CTIF: variants seen among roughly 807,000 people sequenced by gnomAD.
The protein encoded by CTIF is cap binding complex dependent translation initiation factor.
A neutral mutation model predicts 66.0 loss-of-function variants in CTIF; 21 were observed. The observed-to-expected ratio is 0.32, with a 90% CI of 0.23 to 0.46. The LOEUF (loss-of-function observed/expected upper bound fraction) is 0.46. Ranked by LOEUF, CTIF falls within the 20% of genes least tolerant of loss-of-function variation. The pLI is 1.00. For synonymous variants in CTIF, 345 were observed against 326.4 expected, an observed-to-expected ratio of 1.06 and a Z score of -0.62; for missense variants, 739 against 812.7, an observed-to-expected ratio of 0.91 and a Z score of 1.10.
At chr18:48,574,973 T>C (rs1019027535) in intron 1 of CTIF, among the ~76,000 whole-genome samples, 4 of 152,126 alleles carry the variant, frequency 2.6e-5, no homozygotes, top group Non-Finnish European at 5.9e-5. Context: ...CCAAATGAGA[T>C]AAAGAGTAAT....
chr18:48,836,853 G>C (rs990439387), intron 10 of CTIF, among the ~76,000 whole-genome samples: 4 of 152,202 alleles, frequency 2.6e-5, no homozygotes, highest in Non-Finnish European at 5.9e-5. Flanking sequence ...TGTGTCCCCT[G>C]CTTAGTCCAC....
At chr18:48,581,092 G>A (rs1328698421) in intron 1 of CTIF, among the ~76,000 whole-genome samples, 1 of 152,202 alleles carries the variant, frequency 6.6e-6, no homozygotes, top group South Asian at 2.1e-4. Context: ...CGTCATTCCA[G>A]CATCAGCTCT....
chr18:48,647,383 T>G lies in CTIF; in HGVS notation c.252+10698T>G, dbSNP rs546682649. Among the ~76,000 whole-genome samples, 25 of 152,314 alleles carry G rather than the reference T, an allele frequency of 1.6e-4. No homozygotes were observed. The South Asian group carries it at 4.6e-3, about 28-fold the overall frequency. The stretch of plus-strand genomic sequence containing the variant: ...GTTCTGTGTCTCCACTGTATCAATG[T>G]TGATACCCGGAGATGCTGAGTTGGA... On this transcript the variant is annotated intron_variant, in intron 3 of 11. Transcript: ENST00000256413.
At chr18:48,712,291 T>C (rs1022515242) in intron 7 of CTIF, among the ~76,000 whole-genome samples, 1 of 151,988 alleles carries the variant, frequency 6.6e-6, no homozygotes, top group African/African-American at 2.4e-5. Context: ...CGAGTGACAA[T>C]GGGGCCAGGA....
At chr18:48,598,462 C>A (rs1031405535) in intron 1 of CTIF, among the ~76,000 whole-genome samples, 3 of 152,178 alleles carry the variant, frequency 2.0e-5, no homozygotes, top group Non-Finnish European at 4.4e-5. Context: ...CCTGTCCTGC[C>A]TCCAGCAATA....
intron 1 of CTIF, among the ~76,000 whole-genome samples, chr18:48,551,116 G>A (rs1243592785): frequency 1.3e-5 from 2 of 149,244 alleles, no homozygotes; most frequent in East Asian, 1.9e-4. Context: ...CATGAGAGTG[G>A]GCCCTAATCT....
At chr18:48,742,336 G>A (rs902943734) in intron 7 of CTIF, among the ~76,000 whole-genome samples, 5 of 152,216 alleles carry the variant, frequency 3.3e-5, no homozygotes, top group Non-Finnish European at 7.3e-5. Context: ...CAGTGTGCAG[G>A]GTGCCCCGGG....
intron 2 of CTIF, among the ~76,000 whole-genome samples, chr18:48,627,505 G>A (rs1257795024): frequency 6.6e-6 from 1 of 152,036 alleles, no homozygotes; most frequent in African/African-American, 2.4e-5. Context: ...GATCACTTGA[G>A]CCCAGGAGTT....
rs568429449 is a variant in CTIF at position 48,556,724 on chromosome 18, C to T, written c.-29+17412C>T. Among the ~76,000 whole-genome samples the T allele has an allele frequency of 1.9e-3, 287 of 152,276 alleles. 1 individual carries two copies. The highest frequency in any genetic ancestry group is 3.3e-3 in the Non-Finnish European group (226 of 68,026). On this transcript the variant is annotated intron_variant, in intron 1 of 11. Transcript: ENST00000256413. ...AGATTACAGGCACGCACCACCACAC[C>T]TGGCTAATTTTTGTATTTTTGGTAG...
intron 2 of CTIF, among the ~76,000 whole-genome samples, chr18:48,635,017 A>G (rs974847406): frequency 6.6e-6 from 1 of 152,222 alleles, no homozygotes; most frequent in African/African-American, 2.4e-5. Flanking sequence ...TCTTTTAAAA[A>G]TTTGGCTACT....
intron 7 of CTIF, among the ~76,000 whole-genome samples, chr18:48,754,096 C>T (rs1908104275): frequency 6.6e-6 from 1 of 152,228 alleles, no homozygotes; most frequent in Non-Finnish European, 1.5e-5. Context: ...TTCCAGTGCC[C>T]TTAGCAGCCC....
At chr18:48,593,312 T>A (rs2089925883) in intron 1 of CTIF, among the ~76,000 whole-genome samples, 1 of 152,230 alleles carries the variant, frequency 6.6e-6, no homozygotes, top group South Asian at 2.1e-4. Flanking sequence ...CTTGGTTGAA[T>A]TAAAGCAAAA....
intron 10 of CTIF, among the ~76,000 whole-genome samples, chr18:48,825,710 T>G (rs1437758865): frequency 2.0e-5 from 3 of 152,156 alleles, no homozygotes; most frequent in Non-Finnish European, 4.4e-5. Flanking sequence ...GTGACCAAGA[T>G]AGTCTGTTCC....
chr18:48,793,483 C>T (rs1229277153), intron 9 of CTIF, among the ~76,000 whole-genome samples: 2 of 152,162 alleles, frequency 1.3e-5, no homozygotes, highest in African/African-American at 4.8e-5. Context: ...TAATGTGGTG[C>T]CAGCAGGATT....
chr18:48,789,280 G>A (rs1285450087), intron 9 of CTIF, among the ~76,000 whole-genome samples: 1 of 151,940 alleles, frequency 6.6e-6, no homozygotes, highest in African/African-American at 2.4e-5. Context: ...CAGACTAGTT[G>A]TGTAACCTTG....
Position 48,761,346 on chromosome 18 carries a change from C to T in CTIF, c.1072-44C>T, listed in dbSNP as rs1281046236. The T allele has an allele frequency of 6.3e-7, 1 of 1,587,260 alleles. No individual in the cohort carries two copies. Among genetic ancestry groups the T allele is most frequent in the East Asian group, 2.2e-5 (1 of 44,588 alleles). On this transcript the variant is annotated intron_variant, in intron 8 of 11. Coordinates refer to ENST00000256413, the MANE Select transcript of CTIF (RefSeq NM_014772.3). This position sits in a 1 kb window ranked among gnomAD's most constrained non-coding sequence, Gnocchi z 4.2. ...CACCAGGCCACCCCTGCACAGAGACCTCGGCTTCACTCAGGCACATTCATT... is the reference window on the plus strand; with the variant it reads ...CACCAGGCCACCCCTGCACAGAGACTTCGGCTTCACTCAGGCACATTCATT...
intron 1 of CTIF, among the ~76,000 whole-genome samples, chr18:48,615,813 C>T (rs895980057): frequency 6.6e-6 from 1 of 152,156 alleles, no homozygotes; most frequent in African/African-American, 2.4e-5. Context: ...TGGGCTACCC[C>T]ATGTGAATCT....
At chr18:48,658,656 G>T (rs1296448460) in intron 3 of CTIF, among the ~76,000 whole-genome samples, 1 of 152,150 alleles carries the variant, frequency 6.6e-6, no homozygotes, top group African/African-American at 2.4e-5. Context: ...ATGTGGATGT[G>T]TGTGGATGTG....
chr18:48,593,397 T>C (rs77856173), intron 1 of CTIF, among the ~76,000 whole-genome samples: 1 of 151,870 alleles, frequency 6.6e-6, no homozygotes, highest in African/African-American at 2.4e-5. Flanking sequence ...TTTTTTTTTT[T>C]TGAGACGGAC....
Sources: gnomAD v4.1 joint callset for allele counts (sites outside exome capture counted in the v4.1 genomes callset) on GRCh38, gnomAD v4.1.1 for gene constraint, Gnocchi (gnomAD v3.1) non-coding constraint, MANE v1.5 for transcripts, NCBI Gene and HGNC (gene_info 2026-07-23, HGNC 2026-07-21) for gene names.